SIRT1: variants seen among roughly 807,000 people sequenced by gnomAD.
SIRT1 encodes the protein sirtuin 1, also known as NAD-dependent protein deacetylase sirtuin-1.
In SIRT1, 24 loss-of-function variants were observed where a neutral mutation model predicts 67.9. That is an observed-to-expected ratio of 0.35 (90% confidence interval 0.26 to 0.50). The LOEUF is 0.50. Ranked by LOEUF, SIRT1 falls within the 20% of genes least tolerant of loss-of-function variation. The pLI, the probability that SIRT1 is intolerant of heterozygous loss-of-function variation, is 0.98. For missense variants in SIRT1, 873 were observed against 937.2 expected (o/e 0.93, Z 0.89); for synonymous variants, 378 against 350.7 (o/e 1.08, Z -0.87).
At chr10:67,898,775 G>T (rs1432561745) in intron 4 of SIRT1, among the ~76,000 whole-genome samples, 1 of 152,132 alleles carries the variant, frequency 6.6e-6, no homozygotes, top group Non-Finnish European at 1.5e-5. Flanking sequence ...GTTTGAGGCT[G>T]CAGTGAGCTG....
chr10:67,915,426 G>A (rs1273571408), intron 8 of SIRT1, among the ~76,000 whole-genome samples: 1 of 152,176 alleles, frequency 6.6e-6, no homozygotes, highest in Non-Finnish European at 1.5e-5. Flanking sequence ...TTGATTTGGT[G>A]TGCTGTAGAA....
intron 4 of SIRT1, among the ~76,000 whole-genome samples, chr10:67,893,656 T>C (rs1420939132): frequency 4.0e-5 from 6 of 151,550 alleles, no homozygotes; most frequent in African/African-American, 1.2e-4. Flanking sequence ...GAGATTCTCC[T>C]GCCTCAGCCT....
Position 67,906,964 on chromosome 10 carries a change from G to A in SIRT1, c.1090+27G>A, listed in dbSNP as rs747245356. 11 of 1,520,832 alleles carry A rather than the reference G, an allele frequency of 7.2e-6. No individual in the cohort carries two copies. The East Asian group carries it at 1.0e-4, about 14-fold the overall frequency. 94.2% of individuals were successfully genotyped at this position (1,520,832 alleles called of 1,614,324 possible). On this transcript the variant is annotated intron_variant, in intron 5 of 8. Transcript: ENST00000212015. ...TTAGTAAACTTCAGAGTGGTTTTCT[G>A]TAATTTATTTTAGTTTTATAGGAAG...
rs200657230 is a variant in SIRT1, at chr10:67,917,545, G to C, written c.*952G>C. The C allele has an allele frequency of 1.3e-5, 2 of 152,606 alleles. No individual in the cohort carries two copies. Among genetic ancestry groups the C allele is most frequent in the Admixed American group, 6.5e-5 (1 of 15,276 alleles). 9.5% of individuals were successfully genotyped at this position (152,606 alleles called of 1,614,324 possible). On this transcript the variant is annotated 3_prime_UTR_variant, in exon 9 of 9. Transcript: ENST00000212015. ...CTATAATAATGGTACTTCTACTGGGGAGAGTGTAATATTTTGGACTGCTGT... is the reference window on the plus strand; with the variant it reads ...CTATAATAATGGTACTTCTACTGGGCAGAGTGTAATATTTTGGACTGCTGT...
intron 7 of SIRT1, 55 bp downstream of exon 7, chr10:67,909,497 G>C: frequency 6.8e-7 from 1 of 1,464,648 alleles, no homozygotes; most frequent in Middle Eastern, 2.0e-4. Flanking sequence ...CATGGGTTGT[G>C]GGTCTGTATA....
chr10:67,908,247 G>C, intron 6 of SIRT1, 122 bp downstream of exon 6: 2 of 785,802 alleles, frequency 2.5e-6, no homozygotes, highest in Non-Finnish European at 3.9e-6. Context: ...GAAGAAAATA[G>C]TTAGCATTTG....
intron 4 of SIRT1, among the ~76,000 whole-genome samples, chr10:67,902,087 C>G (rs1189368853): frequency 6.6e-6 from 1 of 152,234 alleles, no homozygotes; most frequent in African/African-American, 2.4e-5. Context: ...CTCCCAGGTA[C>G]AAGCGATTCT....
chr10:67,912,889 T>C lies in SIRT1; in HGVS notation c.1773T>C (p.Ile591=). The C allele has an allele frequency of 6.2e-7, 1 of 1,614,132 alleles. No individual in the cohort carries two copies. Among genetic ancestry groups the C allele is most frequent in the Non-Finnish European group, 8.5e-7 (1 of 1,180,020 alleles). ...EVQTSRNVES[I]AEQMENPDLK... ...AAACTTCTAGGAATGTTGAAAGTAT[T>C]GCTGAACAGATGGAAAATCCGGATT... Residue 591 remains isoleucine, a synonymous_variant, in exon 8 of 9, where the codon ATT becomes ATC. Transcript: ENST00000212015.
intron 1 of SIRT1, chr10:67,885,515 C>T (rs962233864): frequency 2.6e-5 from 18 of 696,526 alleles, no homozygotes; most frequent in South Asian, 2.0e-4. Flanking sequence ...ATTTTCATTG[C>T]TTTTCTCCTC....
rs754362414 is a variant in SIRT1, at chr10:67,916,403, T to C, written c.2054T>C (p.Leu685Ser). 6.2e-7 allele frequency: 1 copy of C among 1,614,168 alleles called. No individual in the cohort carries two copies. Residue 685 changes from leucine (L) to serine (S), a missense_variant, in exon 9 of 9, where the codon TTA (leucine) becomes TCA (serine). By Grantham distance (145) the Leu-to-Ser change is moderately radical. Around this residue, in one of 3 missense-constraint regions of SIRT1, gnomAD observed 295 missense variants for 294.5 expected, o/e 1.00. Transcript: ENST00000212015. ...SDSGTCQSPSLEEPMEDESEI... is the reference protein window; with the variant it reads ...SDSGTCQSPSSEEPMEDESEI... ...AGTGGGACATGCCAGAGTCCAAGTT[T>C]AGAAGAACCCATGGAGGATGAAAGT...
intron 5 of SIRT1, among the ~76,000 whole-genome samples, chr10:67,907,564 A>G (rs1842840139): frequency 6.6e-6 from 1 of 152,070 alleles, no homozygotes. Context: ...GAAATGTGAC[A>G]TCTTTAGTTT....
At chr10:67,904,390 G>A (rs1164792598) in intron 4 of SIRT1, among the ~76,000 whole-genome samples, 1 of 151,798 alleles carries the variant, frequency 6.6e-6, no homozygotes, top group African/African-American at 2.4e-5. Flanking sequence ...GCCCGCCTCG[G>A]CCTTCCAAAG....
intron 3 of SIRT1, among the ~76,000 whole-genome samples, chr10:67,891,029 C>CAA (rs11327756): frequency 2.0e-5 from 2 of 100,356 alleles, no homozygotes; most frequent in Admixed American, 1.0e-4. Flanking sequence ...GACTCTGTCT[C>CAA]AAAAAAAAAA....
intron 3 of SIRT1, among the ~76,000 whole-genome samples, chr10:67,890,830 A>G (rs1287931980): frequency 6.6e-6 from 1 of 151,964 alleles, no homozygotes; most frequent in Non-Finnish European, 1.5e-5. Context: ...GGAGATCGAG[A>G]CCATCTTGGC....
intron 4 of SIRT1, among the ~76,000 whole-genome samples, chr10:67,892,398 C>G (rs934952040): frequency 3.3e-5 from 5 of 151,888 alleles, no homozygotes; most frequent in Non-Finnish European, 7.4e-5. Context: ...TAATGAGACT[C>G]CATCTCTACA....
intron 7 of SIRT1, among the ~76,000 whole-genome samples, 170 bp from the exon 8 acceptor site, chr10:67,912,304 C>T (rs1186374092): frequency 6.6e-6 from 1 of 152,146 alleles, no homozygotes; most frequent in Non-Finnish European, 1.5e-5. Flanking sequence ...AACTGCCCAT[C>T]TGCTTGCTTG....
chr10:67,885,420 G>A (rs1842461097), intron 1 of SIRT1: 2 of 1,223,284 alleles, frequency 1.6e-6, no homozygotes, highest in Non-Finnish European at 2.0e-6. Context: ...TCTCGCAGTC[G>A]CTTTAAAATA....
At chr10:67,891,687 C>T (rs575285413) in intron 4 of SIRT1, 133 bp downstream of exon 4, 1 of 809,782 alleles carries the variant, frequency 1.2e-6, no homozygotes, top group East Asian at 2.5e-5. Flanking sequence ...AGTAAGATCA[C>T]TCATTATGGC....
At chr10:67,909,545 A>G in intron 7 of SIRT1, 103 bp downstream of exon 7, 1 of 904,906 alleles carries the variant, frequency 1.1e-6, no homozygotes, top group Middle Eastern at 3.6e-4. Flanking sequence ...TCTGTTTGAA[A>G]GAGTGGTGAA....
Sources: allele counts gnomAD v4.1 joint callset (sites outside exome capture counted in the v4.1 genomes callset), GRCh38; gene constraint gnomAD v4.1.1; regional missense constraint gnomAD v4.1.1; transcripts MANE v1.5; gene names NCBI Gene and HGNC (gene_info 2026-07-23, HGNC 2026-07-21).